The following ITGA9 variants were observed in gnomAD, a reference collection of about 807,000 sequenced individuals.
The protein encoded by ITGA9 is integrin subunit alpha 9.
ITGA9 carries 56 observed loss-of-function variants against 127.8 expected under a neutral mutation model. That is an observed-to-expected ratio of 0.44 (90% CI 0.35 to 0.55). The LOEUF (loss-of-function observed/expected upper bound fraction) is 0.55, where lower values mean the gene tolerates loss of function less well. ITGA9 is among the 20% of genes least tolerant of loss of function. ITGA9 has a pLI of 0.00. For missense variants in ITGA9, 1,196 were observed against 1,347.1 expected, an observed-to-expected ratio of 0.89 and a Z score of 1.76; for synonymous variants, 508 against 514.5, an observed-to-expected ratio of 0.99 and a Z score of 0.17.
rs768433502 is a variant in ITGA9, at chr3:37,488,797, CA to C, written c.545-5690del. Among the ~76,000 whole-genome samples, 723 of 125,028 alleles carry C rather than the reference CA, an allele frequency of 5.8e-3. 3 individuals are homozygous for C. The highest frequency in any genetic ancestry group is 1.0e-2 in the East Asian group (43 of 4,310). 82.0% of individuals were successfully genotyped at this position (125,028 alleles called of 152,430 possible). On this transcript the variant is annotated intron_variant, in intron 4 of 27. Coordinates refer to ENST00000264741, the MANE Select transcript of ITGA9 (RefSeq NM_002207.3). ...TGGGTGACAGAATGAGACTCTGTCT[CA>C]AAAAAAAAAAAAATATTGTAAAAAA...
intron 15 of ITGA9, among the ~76,000 whole-genome samples, chr3:37,593,372 G>T (rs1699838541): frequency 6.6e-6 from 1 of 152,292 alleles, no homozygotes; most frequent in African/African-American, 2.4e-5. Flanking sequence ...ATCCATGGAT[G>T]TGGAACCCAT....
At chr3:37,475,787 T>C (rs1295357959) in intron 3 of ITGA9, among the ~76,000 whole-genome samples, 1 of 152,204 alleles carries the variant, frequency 6.6e-6, no homozygotes, top group Non-Finnish European at 1.5e-5. Flanking sequence ...TAGTGGTAAA[T>C]GTATGGCACA....
intron 15 of ITGA9, among the ~76,000 whole-genome samples, chr3:37,590,282 C>T (rs1418118000): frequency 6.6e-6 from 1 of 152,168 alleles, no homozygotes; most frequent in Non-Finnish European, 1.5e-5. Flanking sequence ...CACCCTAGCC[C>T]CCTGTTCTCC....
chr3:37,480,124 G>T (rs1352789810), intron 3 of ITGA9, among the ~76,000 whole-genome samples: 1 of 152,096 alleles, frequency 6.6e-6, no homozygotes, highest in Non-Finnish European at 1.5e-5. Flanking sequence ...GTGTGCCTCT[G>T]AGTAAGCAGC....
chr3:37,815,927 A>C (rs1478464254), intron 27 of ITGA9, among the ~76,000 whole-genome samples: 1 of 152,212 alleles, frequency 6.6e-6, no homozygotes, highest in Middle Eastern at 3.4e-3. Context: ...TTCAAAAAAA[A>C]CTGGTCTCTT....
chr3:37,809,835 T>A lies in ITGA9; in HGVS notation c.3009+5893T>A, dbSNP rs1387084151. On this transcript the variant is annotated intron_variant, in intron 27 of 27. Transcript: ENST00000264741. ...TTATGTTTAGTGAATAGTGATTCGG[T>A]ATCACACTGACAGTACGGTGCAGTA... 2.0e-5 allele frequency among the ~76,000 whole-genome samples: 3 copies of A among 152,320 alleles called. No individual in the cohort carries two copies. In the East Asian group the frequency reaches 5.8e-4, roughly 29 times the overall value.
At position 37,666,830 on chromosome 3, in the gene ITGA9, G is replaced by A. The variant is rs150050933; in HGVS notation, c.1916+13040G>A. ...CAGTGCATCATCCCCTGCTCCCACA[G>A]TGGATGATTGGCACTTTGTCCTGCA... is the stretch of plus-strand genomic sequence containing the variant. On this transcript the variant is annotated intron_variant, in intron 17 of 27. Coordinates refer to ENST00000264741, the MANE Select transcript of ITGA9 (RefSeq NM_002207.3). 3.0e-3 allele frequency among the ~76,000 whole-genome samples: 464 copies of A among 152,332 alleles called. 4 individuals are homozygous for A. The highest frequency in any genetic ancestry group is 0.01 in the Middle Eastern group (3 of 294).
At chr3:37,808,407 G>A (rs1697325102) in intron 27 of ITGA9, 2 of 152,224 alleles carry the variant, frequency 1.3e-5, no homozygotes, top group Admixed American at 1.3e-4. Context: ...GAAAGATGCA[G>A]GATGGTGGTT....
At chr3:37,634,775 C>T (rs1256673587) in intron 16 of ITGA9, among the ~76,000 whole-genome samples, 1 of 152,184 alleles carries the variant, frequency 6.6e-6, no homozygotes, top group African/African-American at 2.4e-5. Context: ...ACACAACAGT[C>T]CATCCAACAG....
At chr3:37,727,162 A>G (rs561265643) in intron 18 of ITGA9, among the ~76,000 whole-genome samples, 6 of 152,234 alleles carry the variant, frequency 3.9e-5, no homozygotes, top group Non-Finnish European at 8.8e-5. Context: ...GCTGGCCAGC[A>G]TCTTGAGAGT....
At chr3:37,720,764 A>G (rs576990879) in intron 18 of ITGA9, among the ~76,000 whole-genome samples, 3 of 152,310 alleles carry the variant, frequency 2.0e-5, no homozygotes, top group Admixed American at 1.3e-4. Flanking sequence ...CCTGAAGAGG[A>G]CAATCACCAG....
At chr3:37,593,632 G>A (rs757995760) in intron 15 of ITGA9, among the ~76,000 whole-genome samples, 7 of 152,170 alleles carry the variant, frequency 4.6e-5, no homozygotes, top group African/African-American at 7.2e-5. Context: ...CCTCTAAACC[G>A]AATTATATCC....
chr3:37,725,325 G>A (rs915608181), intron 18 of ITGA9, among the ~76,000 whole-genome samples: 2 of 152,230 alleles, frequency 1.3e-5, no homozygotes, highest in Non-Finnish European at 2.9e-5. Context: ...GCCTGAGCAA[G>A]TGGCAGGAGA....
At chr3:37,637,563 A>G (rs1034009263) in intron 16 of ITGA9, among the ~76,000 whole-genome samples, 5 of 152,206 alleles carry the variant, frequency 3.3e-5, no homozygotes, top group African/African-American at 9.6e-5. Context: ...TACATATACA[A>G]TCATGTCATC....
chr3:37,699,364 C>T (rs1575198327), intron 18 of ITGA9, among the ~76,000 whole-genome samples: 1 of 152,314 alleles, frequency 6.6e-6, no homozygotes, highest in East Asian at 1.9e-4. Context: ...ATCCTCCTGA[C>T]ACCTGTTCCA....
At chr3:37,557,679 A>G (rs905879155) in intron 15 of ITGA9, among the ~76,000 whole-genome samples, 1 of 152,242 alleles carries the variant, frequency 6.6e-6, no homozygotes, top group Admixed American at 6.5e-5. Context: ...AATAATAGCT[A>G]TCTTTTATTG....
intron 15 of ITGA9, among the ~76,000 whole-genome samples, chr3:37,577,840 G>A (rs1699668366): frequency 6.6e-6 from 1 of 152,174 alleles, no homozygotes; most frequent in Non-Finnish European, 1.5e-5. Flanking sequence ...TTAGTCATGA[G>A]CGTCACTTGG....
chr3:37,482,498 C>T (rs116699520), intron 4 of ITGA9, among the ~76,000 whole-genome samples: 10 of 152,340 alleles, frequency 6.6e-5, no homozygotes, highest in African/African-American at 2.2e-4. Context: ...AAGCTGGAAC[C>T]TGCTCCTTCT....
chr3:37,745,074 G>A (rs1052404800), intron 22 of ITGA9, among the ~76,000 whole-genome samples: 1 of 152,314 alleles, frequency 6.6e-6, no homozygotes, highest in South Asian at 2.1e-4. Flanking sequence ...TCCCACTCTG[G>A]CATTCACTGC....
Sources: allele counts gnomAD v4.1 joint callset (sites outside exome capture counted in the v4.1 genomes callset), GRCh38; gene constraint gnomAD v4.1.1; transcripts MANE v1.5; gene names NCBI Gene and HGNC (gene_info 2026-07-23, HGNC 2026-07-21).